The following GAS2 variants were observed in gnomAD, a reference collection of about 807,000 sequenced individuals.
GAS2 encodes the protein growth arrest-specific protein 2.
GAS2 carries 20 observed loss-of-function variants against 37.5 expected under a neutral mutation model. That is an observed-to-expected ratio of 0.53 (90% CI 0.37 to 0.77). The LOEUF (loss-of-function observed/expected upper bound fraction) is 0.77, where lower values mean the gene tolerates loss of function less well. Among genes scored for constraint, GAS2 ranks in the 30% least tolerant of loss-of-function variants. The pLI, the probability that GAS2 is intolerant of heterozygous loss-of-function variation, is 0.00. For missense variants in GAS2, 336 were observed against 373.4 expected (o/e 0.90, Z 0.82); for synonymous variants, 144 against 132.2 (o/e 1.09, Z -0.61).
At chr11:22,658,045 G>C (rs1177172957) in intron 1 of GAS2, among the ~76,000 whole-genome samples, 2 of 128,270 alleles carry the variant, frequency 1.6e-5, no homozygotes, top group African/African-American at 5.7e-5. Flanking sequence ...TTTCTTTTTT[G>C]AGATGGAGCT....
At chr11:22,682,235 T>C (rs866996225) in intron 2 of GAS2, among the ~76,000 whole-genome samples, 36 of 152,080 alleles carry the variant, frequency 2.4e-4, no homozygotes, top group African/African-American at 7.5e-4. Context: ...AAAGATATAA[T>C]GTATAAAAAG....
At chr11:22,785,255 A>G (rs1855767388) in intron 7 of GAS2, among the ~76,000 whole-genome samples, 1 of 152,180 alleles carries the variant, frequency 6.6e-6, no homozygotes, top group Non-Finnish European at 1.5e-5. Context: ...AAAGAAGGTC[A>G]GTGGCACAAA....
chr11:22,645,348 A>C (rs1374111701), intron 1 of GAS2, among the ~76,000 whole-genome samples: 1 of 152,072 alleles, frequency 6.6e-6, no homozygotes, highest in Admixed American at 6.6e-5. Context: ...TCTCTACTAA[A>C]AATACAAAAA....
chr11:22,662,496 T>C (rs1046862795), upstream of GAS2, among the ~76,000 whole-genome samples: 1 of 152,186 alleles, frequency 6.6e-6, no homozygotes, highest in Non-Finnish European at 1.5e-5. Context: ...ATATTCTACA[T>C]GCCAGAGATG....
upstream of GAS2, among the ~76,000 whole-genome samples, chr11:22,663,017 A>G (rs2133847337): frequency 6.6e-6 from 1 of 152,300 alleles, no homozygotes; most frequent in South Asian, 2.1e-4. Context: ...ACAGTTCTGC[A>G]TGGCTGGGGA....
At chr11:22,675,374 G>A (rs1051318313) in intron 2 of GAS2, among the ~76,000 whole-genome samples, 5 of 152,086 alleles carry the variant, frequency 3.3e-5, no homozygotes, top group African/African-American at 1.2e-4. Context: ...TGTAAAATCT[G>A]GCTTCTAAAT....
chr11:22,807,813 G>A (rs926443847), intron 7 of GAS2, among the ~76,000 whole-genome samples: 5 of 152,166 alleles, frequency 3.3e-5, no homozygotes, highest in African/African-American at 1.2e-4. Context: ...TGGGCAAGGA[G>A]GAGAAGTTGG....
intron 1 of GAS2, among the ~76,000 whole-genome samples, chr11:22,641,281 TC>T (rs1848625292): frequency 3.3e-5 from 4 of 119,812 alleles, no homozygotes; most frequent in East Asian, 2.5e-4. Flanking sequence ...TTTATATATA[TC>T]TATATCTTTA....
chr11:22,688,245 G>A (rs902497564), intron 3 of GAS2: 5 of 151,956 alleles, frequency 3.3e-5, no homozygotes, highest in African/African-American at 1.2e-4. Flanking sequence ...CACAAAATAG[G>A]GCTCTTGATA....
At chr11:22,783,580 C>T (rs1277983407) in intron 7 of GAS2, among the ~76,000 whole-genome samples, 2 of 152,152 alleles carry the variant, frequency 1.3e-5, no homozygotes, top group African/African-American at 4.8e-5. Context: ...GCCAAGTTTT[C>T]CAGTGACTTT....
At chr11:22,728,361 T>A (rs1358558740) in intron 4 of GAS2, among the ~76,000 whole-genome samples, 2 of 151,946 alleles carry the variant, frequency 1.3e-5, no homozygotes, top group African/African-American at 4.8e-5. Flanking sequence ...CAAATAATAC[T>A]ACATTTTACC....
At chr11:22,734,201 T>C (rs942373816) in intron 4 of GAS2, among the ~76,000 whole-genome samples, 3 of 151,712 alleles carry the variant, frequency 2.0e-5, no homozygotes, top group African/African-American at 7.2e-5. Context: ...ACTAAATTAT[T>C]TTAATCACAA....
chr11:22,634,099 G>A (rs1858785721), intron 1 of GAS2, among the ~76,000 whole-genome samples: 2 of 152,192 alleles, frequency 1.3e-5, no homozygotes, highest in African/African-American at 4.8e-5. Context: ...ACAGTTCCAC[G>A]TGGCTGGGGA....
intron 3 of GAS2, among the ~76,000 whole-genome samples, chr11:22,698,620 A>G (rs1407578353): frequency 3.3e-5 from 5 of 149,734 alleles, no homozygotes; most frequent in African/African-American, 7.4e-5. Flanking sequence ...AAAATCCTCA[A>G]TAAAATACTG....
chr11:22,766,041 C>A (rs1335337489), intron 7 of GAS2, among the ~76,000 whole-genome samples: 1 of 152,186 alleles, frequency 6.6e-6, no homozygotes, highest in Non-Finnish European at 1.5e-5. Context: ...TCACTTATCA[C>A]CAAAGGGATG....
intron 7 of GAS2, among the ~76,000 whole-genome samples, chr11:22,790,180 G>C (rs1487753141): frequency 1.3e-5 from 2 of 152,148 alleles, no homozygotes; most frequent in African/African-American, 2.4e-5. Context: ...AATTGGATGA[G>C]AGTGAGGTAA....
chr11:22,770,032 C>T (rs1341317621), intron 7 of GAS2, among the ~76,000 whole-genome samples: 1 of 152,148 alleles, frequency 6.6e-6, no homozygotes, highest in Non-Finnish European at 1.5e-5. Context: ...TCATCCTCAG[C>T]AAACTAACAC....
At chr11:22,710,235 T>C (rs1421034257) in intron 3 of GAS2, among the ~76,000 whole-genome samples, 1 of 152,104 alleles carries the variant, frequency 6.6e-6, no homozygotes, top group Non-Finnish European at 1.5e-5. Flanking sequence ...AATTGTTTAG[T>C]AATCTGTGAG....
intron 3 of GAS2, among the ~76,000 whole-genome samples, chr11:22,718,552 A>T (rs1603914): frequency 0.18 from 27,413 of 151,740 alleles, 2,664 homozygotes; most frequent in East Asian, 0.37. Flanking sequence ...AGACAGCACA[A>T]TGGGTACATT....
Sources: gnomAD v4.1 joint callset for allele counts (sites outside exome capture counted in the v4.1 genomes callset) on GRCh38, gnomAD v4.1.1 for gene constraint, MANE v1.5 for transcripts, NCBI Gene and HGNC (gene_info 2026-07-23, HGNC 2026-07-21) for gene names.